The following SLC17A5 variants were observed in gnomAD, a reference collection of about 807,000 sequenced individuals.
SLC17A5 encodes the protein solute carrier family 17 member 5, also known as sialin.
SLC17A5 carries 47 observed loss-of-function variants against 59.4 expected under a neutral mutation model. The observed-to-expected ratio is 0.79, with a 90% CI of 0.63 to 1.01. The LOEUF is 1.01. Among genes scored for constraint, SLC17A5 ranks in the 50% least tolerant of loss-of-function variants. SLC17A5 has a pLI of 0.00. For synonymous variants in SLC17A5, 202 were observed against 210.7 expected (o/e 0.96, Z 0.36); for missense variants, 522 against 595.5 (o/e 0.88, Z 1.28).
chr6:73,628,758 T>C (rs1031041001), intron 6 of SLC17A5, among the ~76,000 whole-genome samples: 6 of 152,174 alleles, frequency 3.9e-5, no homozygotes, highest in Admixed American at 6.6e-5. Context: ...GAATTTCTAA[T>C]AATAGCTCAA....
At chr6:73,613,314 C>T (rs1260072040) in intron 8 of SLC17A5, among the ~76,000 whole-genome samples, 4 of 152,044 alleles carry the variant, frequency 2.6e-5, no homozygotes, top group African/African-American at 9.7e-5. Context: ...TGATGTTTGG[C>T]ACAGCAAGCC....
chr6:73,637,078 CAA>C (rs201154792), intron 4 of SLC17A5, among the ~76,000 whole-genome samples: 8,059 of 77,886 alleles, frequency 0.1, 337 homozygotes, highest in Admixed American at 0.27. Context: ...GACCCTGGCT[CAA>C]AAAAAAAAAA....
At chr6:73,630,844 C>T (rs1402955436) in intron 6 of SLC17A5, among the ~76,000 whole-genome samples, 5 of 151,984 alleles carry the variant, frequency 3.3e-5, no homozygotes, top group African/African-American at 7.2e-5. Flanking sequence ...GTTGGGAGTT[C>T]GAGACCAGCC....
intron 9 of SLC17A5, among the ~76,000 whole-genome samples, chr6:73,608,166 A>C (rs1314609363): frequency 7.9e-5 from 12 of 151,902 alleles, no homozygotes; most frequent in Non-Finnish European, 1.8e-4. Context: ...CCCCACCCCC[A>C]TCTGTGTAGC....
At chr6:73,603,755 G>C (rs572116770) in intron 9 of SLC17A5, among the ~76,000 whole-genome samples, 1 of 152,152 alleles carries the variant, frequency 6.6e-6, no homozygotes, top group African/African-American at 2.4e-5. Flanking sequence ...TGTTTGTCCT[G>C]TATATATTCA....
intron 1 of SLC17A5, chr6:73,653,155 T>C (rs1405143765): frequency 1.0e-6 from 1 of 985,312 alleles, no homozygotes; most frequent in Non-Finnish European, 1.2e-6. Context: ...TTTTAGTCTC[T>C]TACTGCACAA....
rs764810663 is a variant in SLC17A5 at position 73,644,393 on chromosome 6, A to G, written c.291+14T>C. 1 of 1,605,118 alleles carries G rather than the reference A, an allele frequency of 6.2e-7. No individual in the cohort carries two copies. Among genetic ancestry groups the G allele is most frequent in the South Asian group, 1.1e-5 (1 of 90,258 alleles). ...AGGATAATTAAAATTGTTTCCTTAA[A>G]AAATAGCACCTACCGTTTGATTATG... On this transcript the variant is annotated intron_variant, in intron 2 of 10. Coordinates refer to ENST00000355773, the MANE Select transcript of SLC17A5 (RefSeq NM_012434.5).
At chr6:73,612,325 AATCTTTGT>A (rs1581963814) in intron 8 of SLC17A5, among the ~76,000 whole-genome samples, 1 of 152,094 alleles carries the variant, frequency 6.6e-6, no homozygotes, top group East Asian at 1.9e-4. Context: ...ACGCCAAGCT[AATCTTTGT>A]ATTAGAGATG....
intron 2 of SLC17A5, among the ~76,000 whole-genome samples, chr6:73,643,539 T>C (rs1769395403): frequency 6.6e-6 from 1 of 152,052 alleles, no homozygotes; most frequent in South Asian, 2.1e-4. Context: ...TGGAATGGCG[T>C]GATCTCGGCT....
chr6:73,626,411 T>C (rs941217510), intron 6 of SLC17A5, among the ~76,000 whole-genome samples: 1 of 152,248 alleles, frequency 6.6e-6, no homozygotes, highest in Admixed American at 6.5e-5. Flanking sequence ...ACACAACAGT[T>C]TTCTGTTCTC....
chr6:73,644,540 A>G lies in SLC17A5; in HGVS notation c.158T>C (p.Val53Ala). ...AILAFFGFFIVYALRVNLSVA... is the reference protein window; with the variant it reads ...AILAFFGFFIAYALRVNLSVA... ...ACTCAGATTCACACGTAATGCATAC[A>G]CAATGAAGAAACCAAAAAAGGCCAA... Residue 53 changes from valine (V) to alanine (A), a missense_variant, in exon 2 of 11, where the codon GTG (valine) becomes GCG (alanine). By Grantham distance (64) the Val-to-Ala change is moderately conservative (BLOSUM62 0). Transcript: ENST00000355773. 2 of 1,614,188 alleles carry G rather than the reference A, an allele frequency of 1.2e-6. No homozygotes were observed. Among genetic ancestry groups the G allele is most frequent in the Middle Eastern group, 3.3e-4 (2 of 6,062 alleles).
At chr6:73,604,100 TG>T (rs1767287417) in intron 9 of SLC17A5, among the ~76,000 whole-genome samples, 1 of 151,904 alleles carries the variant, frequency 6.6e-6, no homozygotes, top group Non-Finnish European at 1.5e-5. Flanking sequence ...CCTTTAGGGG[TG>T]TATCTAAATT....
In SLC17A5 at chr6:73,611,455, T is replaced by A. The variant is rs1373216389; in HGVS notation, c.1112-908A>T. Among the ~76,000 whole-genome samples, 3 of 152,114 alleles carry A rather than the reference T, an allele frequency of 2.0e-5. No individual in the cohort carries two copies. In the East Asian group the frequency reaches 5.8e-4, roughly 29 times the overall value. Reference sequence around the variant, plus strand: ...CCACCATACCCAGCTAATTTTTGTATTTTTAGTAGAGATGGGGTTTCGCCA... The same window carrying A: ...CCACCATACCCAGCTAATTTTTGTAATTTTAGTAGAGATGGGGTTTCGCCA... On this transcript the variant is annotated intron_variant, in intron 8 of 10. Coordinates refer to ENST00000355773, the MANE Select transcript of SLC17A5 (RefSeq NM_012434.5).
intron 2 of SLC17A5, among the ~76,000 whole-genome samples, chr6:73,643,322 G>A (rs909012719): frequency 3.3e-5 from 5 of 151,280 alleles, no homozygotes; most frequent in East Asian, 2.0e-4. Context: ...CACCTCGCCC[G>A]TCTAATTTTT....
chr6:73,605,335 G>A (rs549607164), intron 9 of SLC17A5, among the ~76,000 whole-genome samples: 1 of 152,182 alleles, frequency 6.6e-6, no homozygotes, highest in African/African-American at 2.4e-5. Flanking sequence ...TTCACCACAA[G>A]CCCTGGTGTT....
At chr6:73,605,341 G>C (rs528614640) in intron 9 of SLC17A5, among the ~76,000 whole-genome samples, 1 of 152,184 alleles carries the variant, frequency 6.6e-6, no homozygotes, top group South Asian at 2.1e-4. Flanking sequence ...ACAAGCCCTG[G>C]TGTTGAACTT....
In SLC17A5 at chr6:73,641,718, T is replaced by C. The variant is rs1561999745; in HGVS notation, c.498A>G (p.Val166=). 1.9e-6 allele frequency: 3 copies of C among 1,613,884 alleles called. No individual in the cohort carries two copies. Among genetic ancestry groups the C allele is most frequent in the Admixed American group, 1.7e-5 (1 of 60,014 alleles). ...CTCCTAGTCCTTCTAGTGCTCTGAGTACAATGAGTGGTCCAACTCCTAAAT... is the reference window on the plus strand; with the variant it reads ...CTCCTAGTCCTTCTAGTGCTCTGAGCACAATGAGTGGTCCAACTCCTAAAT... ...AADLGVGPLI[V]LRALEGLGEG... The change falls in exon 3 of 11, where the codon GTA becomes GTG. Residue 166 remains valine, a synonymous_variant. Coordinates refer to ENST00000355773, the MANE Select transcript of SLC17A5 (RefSeq NM_012434.5).
At chr6:73,607,282 A>AT (rs71000137) in intron 9 of SLC17A5, among the ~76,000 whole-genome samples, 3,966 of 143,952 alleles carry the variant, frequency 0.028, 190 homozygotes, top group African/African-American at 0.089. Flanking sequence ...CAATAGCACT[A>AT]TTTTTTTTTT....
At position 73,624,851 on chromosome 6, in the gene SLC17A5, G is replaced by A. The variant is rs528227612; in HGVS notation, c.820-2889C>T. Among the ~76,000 whole-genome samples the A allele has an allele frequency of 1.2e-3, 189 of 151,872 alleles. 1 individual carries two copies. Among genetic ancestry groups the A allele is most frequent in the African/African-American group, 4.5e-3 (184 of 41,298 alleles). ...TCACATCACTGCACTCCAGCTTGGC[G>A]ACAGAGCAACACTCTGTCTCAAAAG... On this transcript the variant is annotated intron_variant, in intron 6 of 10. Coordinates refer to ENST00000355773, the MANE Select transcript of SLC17A5 (RefSeq NM_012434.5).
Sources: allele counts gnomAD v4.1 joint callset (sites outside exome capture counted in the v4.1 genomes callset), GRCh38; gene constraint gnomAD v4.1.1; transcripts MANE v1.5; gene names NCBI Gene and HGNC (gene_info 2026-07-23, HGNC 2026-07-21).